The following THAP12 variants were observed in gnomAD, a reference collection of about 807,000 sequenced individuals.
THAP12 encodes 52 kDa repressor of the inhibitor of the protein kinase.
THAP12 carries 20 observed loss-of-function variants against 63.0 expected under a neutral mutation model. The observed-to-expected ratio is 0.32, with a 90% CI of 0.22 to 0.46. The LOEUF (loss-of-function observed/expected upper bound fraction) is 0.46. Ranked by LOEUF, THAP12 falls within the 20% of genes least tolerant of loss-of-function variation. The pLI, the probability that THAP12 is intolerant of heterozygous loss-of-function variation, is 1.00. For missense variants in THAP12, 568 were observed against 908.2 expected (o/e 0.63, Z 4.81); for synonymous variants, 264 against 328.4 (o/e 0.80, Z 2.12).
At chr11:76,379,664 G>A (rs1277289610) in intron 1 of THAP12, among the ~76,000 whole-genome samples, 2 of 152,106 alleles carry the variant, frequency 1.3e-5, no homozygotes, top group Non-Finnish European at 2.9e-5. Flanking sequence ...TGCGTCCCTT[G>A]ATACTACTTA....
At chr11:76,353,787 G>T (rs1946542919) in intron 4 of THAP12, among the ~76,000 whole-genome samples, 1 of 152,184 alleles carries the variant, frequency 6.6e-6, no homozygotes, top group Non-Finnish European at 1.5e-5. Flanking sequence ...GAGGTGGGTG[G>T]ATCACGAGGT....
chr11:76,361,904 C>G (rs947881414), intron 2 of THAP12, among the ~76,000 whole-genome samples: 1 of 152,184 alleles, frequency 6.6e-6, no homozygotes, highest in Admixed American at 6.5e-5. Context: ...AACTCTCACG[C>G]CACAAGTGAT....
At chr11:76,374,360 T>C (rs911380418) in intron 1 of THAP12, among the ~76,000 whole-genome samples, 1 of 144,740 alleles carries the variant, frequency 6.9e-6, no homozygotes, top group Admixed American at 7.0e-5. Flanking sequence ...ATACATACCA[T>C]ATAAATGTTA....
chr11:76,358,000 T>G (rs1477519599), intron 3 of THAP12: 3 of 152,136 alleles, frequency 2.0e-5, no homozygotes, highest in Non-Finnish European at 4.4e-5. Context: ...AACTACTGGT[T>G]CTTTGAAAAG....
chr11:76,364,022 G>A (rs1456269368), intron 2 of THAP12, among the ~76,000 whole-genome samples: 1 of 152,096 alleles, frequency 6.6e-6, no homozygotes, highest in East Asian at 1.9e-4. Context: ...AAGCAAACCT[G>A]GCTCATCTTT....
chr11:76,372,407 T>TA (rs11429874), intron 1 of THAP12, among the ~76,000 whole-genome samples: 136,987 of 145,902 alleles, frequency 0.94, 64,281 homozygotes, highest in African/African-American at 0.97. Context: ...GAATTGCTTC[T>TA]AAAAAAAAAA....
chr11:76,365,672 G>A (rs1946626566), intron 2 of THAP12, among the ~76,000 whole-genome samples, 180 bp downstream of exon 2: 1 of 152,052 alleles, frequency 6.6e-6, no homozygotes, highest in South Asian at 2.1e-4. Flanking sequence ...TAGGCCCCCG[G>A]CAAAATCAGG....
chr11:76,357,882 T>C (rs185972723), intron 3 of THAP12: 1 of 152,034 alleles, frequency 6.6e-6, no homozygotes, highest in Admixed American at 6.5e-5. Context: ...TGAATACACA[T>C]AAATATGAGC....
chr11:76,372,326 A>C (rs961587673), intron 1 of THAP12, among the ~76,000 whole-genome samples: 7 of 151,494 alleles, frequency 4.6e-5, no homozygotes, highest in African/African-American at 1.7e-4. Context: ...TTTGTTTTTG[A>C]TGTTTTTCCC....
chr11:76,367,053 A>C (rs1430328572), intron 1 of THAP12, among the ~76,000 whole-genome samples: 1 of 151,982 alleles, frequency 6.6e-6, no homozygotes, highest in African/African-American at 2.4e-5. Context: ...AGTCACAACT[A>C]GATCTTTCCT....
At chr11:76,370,335 T>C (rs1377868822) in intron 1 of THAP12, among the ~76,000 whole-genome samples, 1 of 151,418 alleles carries the variant, frequency 6.6e-6, no homozygotes, top group South Asian at 2.1e-4. Context: ...TGTACAGTTA[T>C]CATTTGTGAT....
Position 76,362,249 on chromosome 11 carries a change from T to C in THAP12, c.211-1186A>G, listed in dbSNP as rs141103349. On this transcript the variant is annotated intron_variant, in intron 2 of 4. Transcript: ENST00000260045. Reference sequence around the variant, plus strand: ...CATACTTCATTTAAATAAGCTTTCTTTGAAGCAGTGATTATTTCAAAATAT... The same window carrying C: ...CATACTTCATTTAAATAAGCTTTCTCTGAAGCAGTGATTATTTCAAAATAT... Among the ~76,000 whole-genome samples, 252 of 152,366 alleles carry C rather than the reference T, an allele frequency of 1.7e-3. 2 individuals are homozygous for C. Among genetic ancestry groups the C allele is most frequent in the African/African-American group, 5.0e-3 (207 of 41,580 alleles).
Position 76,351,859 on chromosome 11 carries a change from G to T in THAP12, c.1291C>A (p.His431Asn). ...TCCACTAAAATTTCAAAAGCATCAT[G>T]CCTGCCTGTCCACTGAGAATGGCAG... is the stretch of plus-strand genomic sequence containing the variant. ...EICHSQWTGR[H>N]DAFEILVELL... Residue 431 changes from histidine to asparagine, a missense_variant, in exon 5 of 5, where the codon CAT becomes AAT. His to Asn is a moderately conservative substitution (Grantham distance 68). Transcript: ENST00000260045. The T allele has an allele frequency of 6.2e-7, 1 of 1,603,732 alleles. No individual in the cohort carries two copies. Among genetic ancestry groups the T allele is most frequent in the African/African-American group, 1.3e-5 (1 of 74,640 alleles).
chr11:76,367,217 C>T (rs966127028), intron 1 of THAP12, among the ~76,000 whole-genome samples: 40 of 151,696 alleles, frequency 2.6e-4, no homozygotes, highest in African/African-American at 9.5e-4. Context: ...GCTAGGATTA[C>T]AGGCATGCGT....
At chr11:76,366,511 C>T (rs1338760991) in intron 1 of THAP12, among the ~76,000 whole-genome samples, 1 of 152,182 alleles carries the variant, frequency 6.6e-6, no homozygotes, top group Non-Finnish European at 1.5e-5. Context: ...GAAACCCCGT[C>T]TCTACTAAAA....
Position 76,352,748 on chromosome 11 carries a change from A to G in THAP12, c.402T>C (p.Asn134=). 6.4e-7 allele frequency: 1 copy of G among 1,554,582 alleles called. No homozygotes were observed. The highest frequency in any genetic ancestry group is 1.4e-5 in the African/African-American group (1 of 72,284). Residue 134 remains asparagine, a synonymous_variant, in exon 5 of 5, where the codon AAT becomes AAC. Transcript: ENST00000260045. ...CTTCGCTGGGGTTCTGAGCATTGCT[A>G]TTGTTGGTTTCTTTATGTTTTTGTT... The part of the protein sequence containing the change: ...EQEQKHKETN[N]SNAQNPSEEE...
intron 1 of THAP12, among the ~76,000 whole-genome samples, chr11:76,366,630 G>A (rs946857063): frequency 5.9e-5 from 9 of 151,692 alleles, no homozygotes; most frequent in Middle Eastern, 3.4e-3. Context: ...GCAGTGAGCC[G>A]AGATTGCGCC....
intron 1 of THAP12, among the ~76,000 whole-genome samples, chr11:76,373,362 A>T (rs1434138944): frequency 6.6e-6 from 1 of 150,434 alleles, no homozygotes; most frequent in Non-Finnish European, 1.5e-5. Flanking sequence ...AAAAAAAAGG[A>T]AAAAGAAGTA....
At position 76,380,973 on chromosome 11, in the gene THAP12, G is replaced by GGGCT. The variant is rs1946755543; in HGVS notation, c.-141_-138dup. ...GCCGACGCGCGGGGGAGGGGCGGGCGGGCTAGAAGCCGCGAGGGCCAGGAG... is the reference window on the plus strand; with the variant it reads ...GCCGACGCGCGGGGGAGGGGCGGGCGGGCTGGCTAGAAGCCGCGAGGGCCAGGAG... On this transcript the variant is annotated 5_prime_UTR_variant, in exon 1 of 5. Coordinates refer to ENST00000260045, the MANE Select transcript of THAP12 (RefSeq NM_004705.4). 1 of 387,674 alleles carries GGGCT rather than the reference G, an allele frequency of 2.6e-6. No homozygotes were observed. The highest frequency in any genetic ancestry group is 2.2e-5 in the African/African-American group (1 of 46,192). The allele number at this position is 387,674 out of a possible 1,614,324, so 24.0% of individuals were successfully genotyped here.
Sources: gnomAD v4.1 joint callset for allele counts (sites outside exome capture counted in the v4.1 genomes callset) on GRCh38, gnomAD v4.1.1 for gene constraint, MANE v1.5 for transcripts, NCBI Gene and HGNC (gene_info 2026-07-23, HGNC 2026-07-21) for gene names.